Variants in CELF2 observed in about 807,000 individuals in gnomAD.
The protein encoded by CELF2 is CUG triplet repeat RNA-binding protein 2.
In CELF2, 8 loss-of-function variants were observed where a neutral mutation model predicts 62.6. That is an observed-to-expected ratio of 0.13 (90% CI 0.07 to 0.23). CELF2 has a LOEUF of 0.23. Among genes scored for constraint, CELF2 ranks in the 10% least tolerant of loss-of-function variants. CELF2 has a pLI of 1.00. For synonymous variants in CELF2, 258 were observed against 250.0 expected, an observed-to-expected ratio of 1.03 and a Z score of -0.30; for missense variants, 333 against 671.0, an observed-to-expected ratio of 0.50 and a Z score of 5.56.
At chr10:10,861,317 T>C (rs2133120041) in intron 1 of CELF2, among the ~76,000 whole-genome samples, 1 of 152,304 alleles carries the variant, frequency 6.6e-6, no homozygotes, top group South Asian at 2.1e-4. Flanking sequence ...CAAGTGATCC[T>C]CCTGCCTCAG....
chr10:11,091,205 C>G (rs1280160532), intron 1 of CELF2, among the ~76,000 whole-genome samples: 2 of 152,120 alleles, frequency 1.3e-5, no homozygotes, highest in Non-Finnish European at 2.9e-5. Context: ...CCTCCCAGTC[C>G]CCGACAAACA....
the CELF2 span, among the ~76,000 whole-genome samples, chr10:10,765,966 C>G: frequency 3.3e-5 from 5 of 152,162 alleles, no homozygotes; most frequent in African/African-American, 1.2e-4. Context: ...ACTGGGCCAC[C>G]CTCCCAGCTC....
the CELF2 span, among the ~76,000 whole-genome samples, chr10:10,643,596 A>G: frequency 1.3e-5 from 2 of 152,210 alleles, no homozygotes; most frequent in Non-Finnish European, 2.9e-5. Flanking sequence ...AAATTGGACC[A>G]CAGAATTATA....
At chr10:11,200,296 T>C (rs2399662) in intron 2 of CELF2, among the ~76,000 whole-genome samples, 151,176 of 152,316 alleles carry the variant, frequency 0.99, 75,033 homozygotes, top group Middle Eastern at 1. Flanking sequence ...GCCTCCATTC[T>C]GTCTATTAAT....
chr10:10,492,088 C>G, the CELF2 span, among the ~76,000 whole-genome samples: 1 of 152,056 alleles, frequency 6.6e-6, no homozygotes, highest in African/African-American at 2.4e-5. Flanking sequence ...TTTTAATTTT[C>G]TTTCATGTCA....
the CELF2 span, among the ~76,000 whole-genome samples, chr10:10,771,098 G>A: frequency 6.6e-6 from 1 of 152,174 alleles, no homozygotes; most frequent in African/African-American, 2.4e-5. Flanking sequence ...ATATGTAATT[G>A]ATGTTAGCAA....
intron 4 of CELF2, among the ~76,000 whole-genome samples, chr10:11,254,335 CTGTGCACACGCACAGG>C (rs1449793058): frequency 1.8e-4 from 28 of 152,276 alleles, no homozygotes; most frequent in Admixed American, 6.5e-5. Context: ...CCCAGCACTT[CTGTGCACACGCACAGG>C]TGCGCTCACA....
chr10:10,482,864 G>C, the CELF2 span, among the ~76,000 whole-genome samples: 1 of 152,088 alleles, frequency 6.6e-6, no homozygotes, highest in African/African-American at 2.4e-5. Flanking sequence ...GGATGACAAA[G>C]GACGCCTCCC....
intron 2 of CELF2, among the ~76,000 whole-genome samples, chr10:11,198,925 C>T (rs1333856126): frequency 2.0e-5 from 3 of 152,202 alleles, no homozygotes; most frequent in African/African-American, 7.2e-5. Flanking sequence ...AGTCTGTCTT[C>T]AAACTGTAAG....
rs2132442396 is a variant in CELF2, at chr10:11,145,736, A to G, written c.75-19750A>G. Among the ~76,000 whole-genome samples the G allele has an allele frequency of 6.6e-6, 1 of 152,330 alleles. No individual in the cohort carries two copies. The highest frequency in any genetic ancestry group is 2.4e-5 in the African/African-American group (1 of 41,582). On this transcript the variant is annotated intron_variant, in intron 1 of 12. Transcript: ENST00000633077. This position sits in a 1 kb window ranked among gnomAD's most constrained non-coding sequence, Gnocchi z 4.3. ...ATCCAGCCAGGCCTCTGTGGTAGATAAGAAGTTGCTTCATTTATTTTTCTT... is the reference window on the plus strand; with the variant it reads ...ATCCAGCCAGGCCTCTGTGGTAGATGAGAAGTTGCTTCATTTATTTTTCTT...
intron 1 of CELF2, among the ~76,000 whole-genome samples, chr10:10,866,039 A>G (rs2060335954): frequency 6.6e-6 from 1 of 152,120 alleles, no homozygotes. Context: ...TCGGGCTTTC[A>G]TGCAGTATTG....
In CELF2 at chr10:11,309,870, T is replaced by G. The variant is rs1427177238; in HGVS notation, c.977-4269T>G. On this transcript the variant is annotated intron_variant, in intron 9 of 12. Coordinates refer to ENST00000633077, the MANE Select transcript of CELF2 (RefSeq NM_001326342.2). The surrounding 1 kb of genome is among the most constrained non-coding windows in gnomAD (Gnocchi z 5.6). ...CTTTCCTATACTCTGTTCCAAATAA[T>G]TAGTTATCCTTAGGGGAAGTTACAG... is the stretch of plus-strand genomic sequence containing the variant. Among the ~76,000 whole-genome samples the G allele has an allele frequency of 6.6e-6, 1 of 152,228 alleles. No individual in the cohort carries two copies. Among genetic ancestry groups the G allele is most frequent in the East Asian group, 1.9e-4 (1 of 5,206 alleles).
chr10:10,473,298 G>A, the CELF2 span, among the ~76,000 whole-genome samples: 1 of 151,924 alleles, frequency 6.6e-6, no homozygotes, highest in Non-Finnish European at 1.5e-5. Flanking sequence ...GCAAGCCAAG[G>A]AAAGACAAAG....
At chr10:10,988,294 T>TAGCGAG (rs1554761245) in intron 2 of CELF2, among the ~76,000 whole-genome samples, 4 of 140,766 alleles carry the variant, frequency 2.8e-5, no homozygotes, top group Admixed American at 6.9e-5. Flanking sequence ...TATATATATA[T>TAGCGAG]AGAGAGAGAG....
the CELF2 span, among the ~76,000 whole-genome samples, chr10:10,748,501 C>T: frequency 2.0e-5 from 3 of 152,026 alleles, no homozygotes; most frequent in African/African-American, 4.8e-5. Flanking sequence ...GTAATCCCAG[C>T]ACTTTGGGAG....
chr10:11,309,763 T>G lies in CELF2; in HGVS notation c.977-4376T>G, dbSNP rs755694156. On this transcript the variant is annotated intron_variant, in intron 9 of 12. Transcript: ENST00000633077. This position sits in a 1 kb window ranked among gnomAD's most constrained non-coding sequence, Gnocchi z 5.6. ...TCTGCTAAGCTTTCAGCTGGTCTAC[T>G]TTGCCATCATGGAGCTACTGCCTAC... Among the ~76,000 whole-genome samples, 1 of 152,216 alleles carries G rather than the reference T, an allele frequency of 6.6e-6. No individual in the cohort carries two copies. Among genetic ancestry groups the G allele is most frequent in the Non-Finnish European group, 1.5e-5 (1 of 68,036 alleles).
At chr10:10,558,828 G>A in the CELF2 span, among the ~76,000 whole-genome samples, 1 of 151,980 alleles carries the variant, frequency 6.6e-6, no homozygotes, top group Admixed American at 6.6e-5. Context: ...TGCCTAGAGG[G>A]GTTTATAGTA....
the CELF2 span, among the ~76,000 whole-genome samples, chr10:10,698,516 A>T: frequency 6.6e-6 from 1 of 152,256 alleles, no homozygotes; most frequent in Non-Finnish European, 1.5e-5. Context: ...CTACAAAATT[A>T]CATATCCATT....
At chr10:11,185,708 C>T (rs1021006988) in intron 2 of CELF2, among the ~76,000 whole-genome samples, 1 of 152,198 alleles carries the variant, frequency 6.6e-6, no homozygotes, top group African/African-American at 2.4e-5. Context: ...GCCACCATGC[C>T]TGGCTGGTCA....
Sources: gnomAD v4.1 joint callset for allele counts (sites outside exome capture counted in the v4.1 genomes callset) on GRCh38, gnomAD v4.1.1 for gene constraint, Gnocchi (gnomAD v3.1) non-coding constraint, MANE v1.5 for transcripts, NCBI Gene and HGNC (gene_info 2026-07-23, HGNC 2026-07-21) for gene names.